RAPGEF4: variants seen among roughly 807,000 people sequenced by gnomAD.
RAPGEF4 encodes the protein RAP guanine-nucleotide-exchange factor (GEF) 4.
Under a neutral mutation model 147.9 loss-of-function variants are expected in RAPGEF4, and 66 were observed. That is an observed-to-expected ratio of 0.45 (90% CI 0.37 to 0.55). The LOEUF is 0.55. Among genes scored for constraint, RAPGEF4 ranks in the 20% least tolerant of loss-of-function variants. The pLI is 0.00. For missense variants in RAPGEF4, 1,071 were observed against 1,257.3 expected (o/e 0.85, Z 2.24); for synonymous variants, 419 against 442.7 (o/e 0.95, Z 0.67).
chr2:172,889,204 AT>A (rs559516833), intron 4 of RAPGEF4, among the ~76,000 whole-genome samples: 66 of 151,394 alleles, frequency 4.4e-4, no homozygotes, highest in Admixed American at 2.0e-3. Flanking sequence ...TGTGGCACTC[AT>A]TTTTTTTTCC....
chr2:173,034,347 A>G (rs989094106), intron 27 of RAPGEF4, among the ~76,000 whole-genome samples: 2 of 152,124 alleles, frequency 1.3e-5, no homozygotes, highest in African/African-American at 4.8e-5. Flanking sequence ...AGTGATGGGC[A>G]GGTTTCAGAG....
At chr2:172,860,345 A>T (rs1336174185) in intron 4 of RAPGEF4, 1 of 983,634 alleles carries the variant, frequency 1.0e-6, no homozygotes, top group African/African-American at 1.7e-5. Flanking sequence ...GTGTGTTCAC[A>T]TATACAGGGA....
chr2:172,869,937 G>A (rs982979930), intron 4 of RAPGEF4, among the ~76,000 whole-genome samples: 2 of 152,088 alleles, frequency 1.3e-5, no homozygotes, highest in African/African-American at 4.8e-5. Context: ...GGAAATCATA[G>A]GTGCTTAATA....
chr2:172,736,649 G>T (rs970819376), intron 1 of RAPGEF4, among the ~76,000 whole-genome samples: 1 of 152,152 alleles, frequency 6.6e-6, no homozygotes, highest in African/African-American at 2.4e-5. Flanking sequence ...AGATCTTTAC[G>T]CTAAAAATAA....
intron 4 of RAPGEF4, among the ~76,000 whole-genome samples, chr2:172,902,882 C>T (rs1425205025): frequency 6.6e-6 from 1 of 152,128 alleles, no homozygotes; most frequent in East Asian, 1.9e-4. Flanking sequence ...CCACACAGAG[C>T]TGTATTACGG....
intron 4 of RAPGEF4, among the ~76,000 whole-genome samples, chr2:172,838,690 G>A (rs1158019510): frequency 6.6e-6 from 1 of 152,032 alleles, no homozygotes; most frequent in East Asian, 1.9e-4. Flanking sequence ...AAATGTTTTT[G>A]GTAAAATTTA....
intron 4 of RAPGEF4, among the ~76,000 whole-genome samples, chr2:172,816,614 G>A (rs189231211): frequency 2.5e-4 from 38 of 152,240 alleles, no homozygotes; most frequent in African/African-American, 8.4e-4. Flanking sequence ...ATATTTAATA[G>A]GGACATTGAT....
chr2:173,048,448 A>G, intron 29 of RAPGEF4, 152 bp from the exon 30 acceptor site: 2 of 1,434,560 alleles, frequency 1.4e-6, no homozygotes, highest in South Asian at 1.5e-5. Flanking sequence ...TAAACAAGTT[A>G]TACATCAGCT....
intron 15 of RAPGEF4, among the ~76,000 whole-genome samples, chr2:172,993,861 G>A (rs999814217): frequency 3.9e-5 from 6 of 152,170 alleles, no homozygotes; most frequent in African/African-American, 1.2e-4. Context: ...ACTGTACCAC[G>A]AGAGGAAGTC....
intron 6 of RAPGEF4, among the ~76,000 whole-genome samples, chr2:172,947,246 G>T (rs963660233): frequency 1.1e-4 from 16 of 152,102 alleles, no homozygotes; most frequent in Non-Finnish European, 1.9e-4. Context: ...ATATGCTTTG[G>T]CAGGTACAGC....
At chr2:172,808,256 G>T (rs1687693400) in intron 3 of RAPGEF4, among the ~76,000 whole-genome samples, 1 of 152,190 alleles carries the variant, frequency 6.6e-6, no homozygotes, top group African/African-American at 2.4e-5. Flanking sequence ...AGAAAACCCA[G>T]TGTACATAAC....
At chr2:173,048,167 C>T (rs6717529) in intron 29 of RAPGEF4, 41,221 of 155,340 alleles carry the variant, frequency 0.27, 5,906 homozygotes, top group East Asian at 0.63. Context: ...TGCTGTTCAG[C>T]CAATAAAATC....
chr2:173,026,489 C>T (rs1221018927), intron 23 of RAPGEF4, 83 bp from the exon 24 acceptor site: 25 of 1,421,044 alleles, frequency 1.8e-5, no homozygotes, highest in Non-Finnish European at 2.3e-5. Flanking sequence ...GAATCCTTTC[C>T]CCTCAGAAAC....
chr2:172,922,318 C>T lies in RAPGEF4; in HGVS notation c.537+18C>T. ...AGGAGAACGTGAGTAGCTACTCTCT[C>T]TGCCTATCTTCTAAAAATTGTTATA... On this transcript the variant is annotated intron_variant, in intron 6 of 30. Transcript: ENST00000397081. The T allele has an allele frequency of 6.3e-7, 1 of 1,598,290 alleles. No homozygotes were observed. The highest frequency in any genetic ancestry group is 1.3e-5 in the African/African-American group (1 of 74,654).
At chr2:173,013,185 T>C (rs1404904224) in intron 17 of RAPGEF4, among the ~76,000 whole-genome samples, 2 of 152,222 alleles carry the variant, frequency 1.3e-5, no homozygotes, top group Admixed American at 6.5e-5. Flanking sequence ...TCTTTACTGG[T>C]TTAGCTCTCA....
chr2:172,916,480 G>A (rs9808266), intron 4 of RAPGEF4, among the ~76,000 whole-genome samples: 1 of 152,232 alleles, frequency 6.6e-6, no homozygotes, highest in African/African-American at 2.4e-5. Flanking sequence ...TCATGAAGAA[G>A]AAGAAGAGTA....
intron 18 of RAPGEF4, among the ~76,000 whole-genome samples, chr2:173,015,582 C>T (rs771544236): frequency 9.9e-5 from 15 of 152,162 alleles, no homozygotes; most frequent in Admixed American, 5.9e-4. Flanking sequence ...CGAGGAATGG[C>T]GGTAGCTTGG....
intron 29 of RAPGEF4, among the ~76,000 whole-genome samples, chr2:173,043,852 G>T (rs927219089): frequency 6.6e-6 from 1 of 152,232 alleles, no homozygotes; most frequent in Admixed American, 6.5e-5. Flanking sequence ...AGAGCCTCTG[G>T]CTTGTGCCAG....
At chr2:172,910,857 A>G (rs1381804955) in intron 4 of RAPGEF4, among the ~76,000 whole-genome samples, 3 of 152,218 alleles carry the variant, frequency 2.0e-5, no homozygotes, top group Non-Finnish European at 4.4e-5. Context: ...ACAGCATCAC[A>G]TCCGCTGCAT....
Sources: allele counts gnomAD v4.1 joint callset (sites outside exome capture counted in the v4.1 genomes callset), GRCh38; gene constraint gnomAD v4.1.1; transcripts MANE v1.5; gene names NCBI Gene and HGNC (gene_info 2026-07-23, HGNC 2026-07-21).